Variants in ETV5 observed in about 807,000 individuals in gnomAD.
ETV5 encodes the protein ETS translocation variant 5.
A neutral mutation model predicts 70.0 loss-of-function variants in ETV5; 10 were observed. The observed-to-expected ratio is 0.14, with a 90% CI of 0.09 to 0.24. ETV5 has a LOEUF of 0.24. ETV5 is among the 10% of genes least tolerant of loss of function. The pLI is 1.00. For missense variants in ETV5, 453 were observed against 651.2 expected (o/e 0.70, Z 3.31); for synonymous variants, 216 against 242.2 (o/e 0.89, Z 1.01).
intron 1 of ETV5, chr3:186,108,689 C>G (rs556067839): frequency 7.8e-6 from 9 of 1,155,564 alleles, no homozygotes; most frequent in African/African-American, 6.6e-5. Flanking sequence ...GCGCCTCCCC[C>G]ACGACGTGTG....
In ETV5 at chr3:186,046,647, G is replaced by T; in HGVS notation, c.*1992C>A. The T allele has an allele frequency of 4.7e-6, 1 of 212,550 alleles. No individual in the cohort carries two copies. The highest frequency in any genetic ancestry group is 6.3e-5 in the Admixed American group (1 of 15,962). 13.2% of individuals were successfully genotyped at this position (212,550 alleles called of 1,614,324 possible). A position where few individuals can be genotyped will look rare whatever the true frequency, so the allele number is the denominator to read the frequency against. On this transcript the variant is annotated 3_prime_UTR_variant, in exon 13 of 13. Transcript: ENST00000306376. ...AGCTACAGAGGATTATTGTCATATT[G>T]CTAAGACAGCATAAATCCATTCAAA...
chr3:186,051,593 C>A (rs77276122), intron 12 of ETV5, among the ~76,000 whole-genome samples: 1 of 152,308 alleles, frequency 6.6e-6, no homozygotes, highest in East Asian at 1.9e-4. Context: ...TGCTCTTATT[C>A]CTCTAACACT....
intron 7 of ETV5, chr3:186,078,928 T>G (rs1713863207): frequency 2.8e-6 from 1 of 359,148 alleles, no homozygotes; most frequent in East Asian, 5.9e-5. Flanking sequence ...GCATCTGGAA[T>G]GGACCAGGCC....
rs1713196438 is a variant in ETV5 at position 186,057,557 on chromosome 3, A to AT, written c.971-67dup. 3 of 1,315,098 alleles carry AT rather than the reference A, an allele frequency of 2.3e-6. No homozygotes were observed. Among genetic ancestry groups the AT allele is most frequent in the Non-Finnish European group, 1.1e-6 (1 of 908,766 alleles). The allele number at this position is 1,315,098 out of a possible 1,614,324, so 81.5% of individuals were successfully genotyped here. A position where few individuals can be genotyped will look rare whatever the true frequency, so the allele number is the denominator to read the frequency against. ...ATTCTGTGTTGTACTAAAACTATGG[A>AT]TTTAAGGACTAGAGTGCAATCCTAT... On this transcript the variant is annotated intron_variant, in intron 9 of 12. Coordinates refer to ENST00000306376, the MANE Select transcript of ETV5 (RefSeq NM_004454.3). The surrounding 1 kb of genome is among the most constrained non-coding windows in gnomAD (Gnocchi z 4.9).
intron 5 of ETV5, 79 bp from the exon 6 acceptor site, chr3:186,081,254 A>C: frequency 7.1e-7 from 1 of 1,409,848 alleles, no homozygotes; most frequent in Non-Finnish European, 9.5e-7. Context: ...CCTTCTGCAA[A>C]CCTTCTAACT....
chr3:186,069,578 T>G (rs913684827), intron 7 of ETV5, among the ~76,000 whole-genome samples: 6 of 149,200 alleles, frequency 4.0e-5, no homozygotes, highest in Non-Finnish European at 7.4e-5. Flanking sequence ...CAGGCTGGAG[T>G]GCAGTGACTC....
chr3:186,056,489 A>G (rs1299341373), intron 11 of ETV5, among the ~76,000 whole-genome samples: 2 of 151,972 alleles, frequency 1.3e-5, no homozygotes, highest in Non-Finnish European at 2.9e-5. Context: ...GTCAAGCAAT[A>G]CACCTGCTTC....
intron 7 of ETV5, among the ~76,000 whole-genome samples, chr3:186,072,820 A>G (rs1344499741): frequency 6.6e-6 from 1 of 152,216 alleles, no homozygotes; most frequent in Non-Finnish European, 1.5e-5. Flanking sequence ...AGATGGTGAA[A>G]GTATTAGTTG....
At chr3:186,107,025 T>C (rs1177261308) in intron 1 of ETV5, 4 of 844,922 alleles carry the variant, frequency 4.7e-6, no homozygotes, top group African/African-American at 3.7e-5. Context: ...AGGAAACTTT[T>C]CCCCCGGTGA....
chr3:186,087,884 GCTTT>G (rs1714094860), intron 5 of ETV5, among the ~76,000 whole-genome samples: 1 of 151,756 alleles, frequency 6.6e-6, no homozygotes, highest in African/African-American at 2.4e-5. Context: ...GTCTAATAAG[GCTTT>G]CTTTGGTGTT....
rs572574083 is a variant in ETV5, at chr3:186,087,131, G to A, written c.233-5956C>T. Among the ~76,000 whole-genome samples the A allele has an allele frequency of 2.0e-5, 3 of 152,290 alleles. No homozygotes were observed. The South Asian group carries it at 6.2e-4, about 32-fold the overall frequency. ...TCCCAAATTTATCTATAGGTTCAGT[G>A]TAACCCCCAACAAAATCTTAGCATT... is the stretch of plus-strand genomic sequence containing the variant. On this transcript the variant is annotated intron_variant, in intron 5 of 12. Transcript: ENST00000306376.
chr3:186,061,583 G>C (rs1434669278), intron 9 of ETV5, among the ~76,000 whole-genome samples: 1 of 152,144 alleles, frequency 6.6e-6, no homozygotes, highest in Non-Finnish European at 1.5e-5. Context: ...AAATACACTT[G>C]AGAAAAAGAA....
intron 5 of ETV5, among the ~76,000 whole-genome samples, chr3:186,100,777 G>A (rs537441918): frequency 2.6e-5 from 4 of 152,226 alleles, no homozygotes; most frequent in African/African-American, 4.8e-5. Flanking sequence ...TTGGTATGGA[G>A]GCCATGACTT....
intron 7 of ETV5, among the ~76,000 whole-genome samples, chr3:186,067,205 C>A (rs534356824): frequency 6.6e-6 from 1 of 152,176 alleles, no homozygotes; most frequent in Non-Finnish European, 1.5e-5. Flanking sequence ...GAGGCCAATG[C>A]GGGGGGATCA....
At chr3:186,104,886 C>A (rs932534956) in intron 5 of ETV5, 1 of 154,708 alleles carries the variant, frequency 6.5e-6, no homozygotes, top group East Asian at 1.9e-4. Context: ...GGATTACAGG[C>A]GCCCACCACC....
intron 5 of ETV5, among the ~76,000 whole-genome samples, chr3:186,099,728 C>T (rs1293584782): frequency 6.6e-6 from 1 of 152,078 alleles, no homozygotes; most frequent in African/African-American, 2.4e-5. Context: ...CTACCCATGC[C>T]TTACTCCTGT....
At chr3:186,108,091 C>T (rs1241888161) in intron 1 of ETV5, among the ~76,000 whole-genome samples, 1 of 151,964 alleles carries the variant, frequency 6.6e-6, no homozygotes, top group African/African-American at 2.4e-5. Context: ...AAACGAGGTG[C>T]GGCGCCCGGC....
chr3:186,106,031 C>CA (rs1714579505), intron 1 of ETV5, 89 bp from the exon 2 acceptor site: 2 of 886,176 alleles, frequency 2.3e-6, no homozygotes, highest in Non-Finnish European at 3.6e-6. Flanking sequence ...AGGGCCTGTG[C>CA]AAAATTATTA....
chr3:186,104,000 C>G (rs1714527434), intron 5 of ETV5, among the ~76,000 whole-genome samples: 1 of 152,242 alleles, frequency 6.6e-6, no homozygotes, highest in African/African-American at 2.4e-5. Flanking sequence ...CATACACCCA[C>G]CTACCCAGAG....
Sources: allele counts gnomAD v4.1 joint callset (sites outside exome capture counted in the v4.1 genomes callset), GRCh38; gene constraint gnomAD v4.1.1; non-coding constraint Gnocchi (gnomAD v3.1); transcripts MANE v1.5; gene names NCBI Gene and HGNC (gene_info 2026-07-23, HGNC 2026-07-21).